KANSL1: variants seen among roughly 807,000 people sequenced by gnomAD.
KANSL1 encodes MLL1/MLL complex subunit KANSL1.
KANSL1 carries 22 observed loss-of-function variants against 103.6 expected under a neutral mutation model. The ratio of observed to expected loss-of-function variants is 0.21; its 90% CI spans 0.15 to 0.30. The LOEUF is 0.30. KANSL1 is among the 10% of genes least tolerant of loss of function. The pLI, the probability that KANSL1 is intolerant of heterozygous loss-of-function variation, is 1.00. For missense variants in KANSL1, 1,337 were observed against 1,399.8 expected (o/e 0.96, Z 0.72); for synonymous variants, 600 against 527.6 (o/e 1.14, Z -1.88).
intron 3 of KANSL1, among the ~76,000 whole-genome samples, chr17:46,085,206 TA>T (rs892630582): frequency 1.8e-4 from 28 of 151,996 alleles, no homozygotes; most frequent in African/African-American, 6.8e-4. Flanking sequence ...AGTAGAAGGT[TA>T]AAAAAAACTG....
Position 46,171,460 on chromosome 17 carries a change from A to C in KANSL1, c.684T>G (p.Thr228=), listed in dbSNP as rs2046285438. ...TGGAATTGACAGAGGATTTGTTTGC[A>C]GTGCTATTATTGCTATACAAAGTTG... ...EHTTLYSNNS[T]ANKSSVNSME... Residue 228 remains threonine (T), a synonymous_variant, in exon 2 of 15, where the codon ACT becomes ACG. Transcript: ENST00000432791. The C allele has an allele frequency of 1.9e-6, 3 of 1,614,120 alleles. No individual in the cohort carries two copies. Among genetic ancestry groups the C allele is most frequent in the Non-Finnish European group, 2.5e-6 (3 of 1,180,028 alleles).
rs34418861 is a variant in KANSL1 at position 46,049,240 on chromosome 17, CTTTTTTTTTTT to C, written c.2020+1282_2020+1292del. ...ATTTGTTGTCCCCACCATCCAAGAC[CTTTTTTTTTTT>C]TTTTTTTTTTTTTTGAGACAGTCTT... On this transcript the variant is annotated intron_variant, in intron 7 of 14. Transcript: ENST00000432791. Among the ~76,000 whole-genome samples, 87 of 75,808 alleles carry C rather than the reference CTTTTTTTTTTT, an allele frequency of 1.1e-3. No individual in the cohort carries two copies. In the East Asian group the frequency reaches 0.014, roughly 12 times the overall value. The allele number at this position is 75,808 out of a possible 152,430, so 49.7% of individuals were successfully genotyped here.
rs527378074 is a variant in KANSL1 at position 46,173,494 on chromosome 17, C to T, written c.-89-1262G>A. On this transcript the variant is annotated intron_variant, in intron 1 of 14. Coordinates refer to ENST00000432791, the MANE Select transcript of KANSL1 (RefSeq NM_015443.4). ...TGGTCTGGGAGCCAAAGGAAACATA[C>T]GTAAAGAACTAAGCCAGTTGTTCTT... is the stretch of plus-strand genomic sequence containing the variant. Among the ~76,000 whole-genome samples, 5 of 152,322 alleles carry T rather than the reference C, an allele frequency of 3.3e-5. No individual in the cohort carries two copies. The South Asian group carries it at 6.2e-4, about 19-fold the overall frequency.
At chr17:46,185,059 C>T (rs531358969) in intron 1 of KANSL1, among the ~76,000 whole-genome samples, 75 of 152,220 alleles carry the variant, frequency 4.9e-4, no homozygotes, top group African/African-American at 1.7e-3. Flanking sequence ...CCTGGCCTGA[C>T]CTCGTGATTC....
chr17:46,121,675 C>T (rs527373457), intron 2 of KANSL1, among the ~76,000 whole-genome samples: 2 of 151,820 alleles, frequency 1.3e-5, no homozygotes, highest in Admixed American at 6.6e-5. Context: ...GACCCCCCCA[C>T]CCCACTAGAA....
intron 1 of KANSL1, among the ~76,000 whole-genome samples, chr17:46,217,809 G>A (rs1414769129): frequency 1.3e-5 from 2 of 152,206 alleles, no homozygotes; most frequent in Non-Finnish European, 2.9e-5. Flanking sequence ...CAGATCACCT[G>A]AGGTCAGGAG....
chr17:46,090,410 C>T (rs1459885700), intron 3 of KANSL1, among the ~76,000 whole-genome samples: 2 of 152,192 alleles, frequency 1.3e-5, no homozygotes, highest in South Asian at 2.1e-4. Context: ...TGTATAAATA[C>T]GACACGTAAA....
chr17:46,213,232 C>T (rs1449441796), intron 1 of KANSL1, among the ~76,000 whole-genome samples: 1 of 152,236 alleles, frequency 6.6e-6, no homozygotes, highest in Non-Finnish European at 1.5e-5. Flanking sequence ...TATCTAAACT[C>T]ATACTTAACA....
chr17:46,110,074 T>C (rs548092667), intron 2 of KANSL1, among the ~76,000 whole-genome samples: 1 of 152,302 alleles, frequency 6.6e-6, no homozygotes, highest in East Asian at 1.9e-4. Flanking sequence ...CAGGAACAAG[T>C]GACCACAGTA....
upstream of KANSL1, chr17:46,193,562 C>CAGGGGGCG (rs1209981855): frequency 2.0e-5 from 3 of 151,796 alleles, no homozygotes; most frequent in Non-Finnish European, 4.3e-5. Context: ...GCCGCGCCGC[C>CAGGGGGCG]CCCGCGGGCC....
intron 3 of KANSL1, 105 bp from the exon 4 acceptor site, chr17:46,082,647 T>TC: frequency 3.5e-6 from 2 of 578,382 alleles, no homozygotes; most frequent in Non-Finnish European, 3.0e-6. Context: ...AGAGGCCCCC[T>TC]CTTCCTCACC....
At chr17:46,044,227 G>A (rs1348868114) in intron 7 of KANSL1, 1 of 152,146 alleles carries the variant, frequency 6.6e-6, no homozygotes, top group Admixed American at 6.6e-5. Context: ...AGAGAAGAGG[G>A]TGCTGATCCT....
intron 2 of KANSL1, among the ~76,000 whole-genome samples, chr17:46,164,907 T>C (rs2045919453): frequency 6.6e-6 from 1 of 152,236 alleles, no homozygotes; most frequent in African/African-American, 2.4e-5. Flanking sequence ...GTATCCTGGC[T>C]GATGTTCCTC....
At chr17:46,200,744 A>AATATATAT (rs66498281) in intron 1 of KANSL1, among the ~76,000 whole-genome samples, 1 of 150,028 alleles carries the variant, frequency 6.7e-6, no homozygotes, top group African/African-American at 2.5e-5. Context: ...TCTGTCTCAA[A>AATATATAT]ATATATATAT....
At chr17:46,094,131 T>C (rs1428372767) in intron 3 of KANSL1, 1 of 172,458 alleles carries the variant, frequency 5.8e-6, no homozygotes, top group Non-Finnish European at 1.2e-5. Context: ...AGGCCTTTCT[T>C]AGTTGTCCAG....
chr17:46,092,376 G>C (rs529027279), intron 3 of KANSL1, among the ~76,000 whole-genome samples: 1 of 152,196 alleles, frequency 6.6e-6, no homozygotes, highest in Non-Finnish European at 1.5e-5. Context: ...AATGAGGTGA[G>C]TATCTTCTTA....
chr17:46,099,058 TC>T (rs949544823), intron 2 of KANSL1, among the ~76,000 whole-genome samples: 9 of 112,778 alleles, frequency 8.0e-5, no homozygotes, highest in African/African-American at 1.8e-4. Flanking sequence ...GCGCGGTGGC[TC>T]ACGCTTGTAA....
chr17:46,046,528 CAAAAAAAAA>C (rs58711350), intron 7 of KANSL1, among the ~76,000 whole-genome samples: 11 of 33,176 alleles, frequency 3.3e-4, no homozygotes, highest in East Asian at 2.3e-3. Context: ...GAGACTCTGT[CAAAAAAAAA>C]AAAAAAAAAA....
In KANSL1 at chr17:46,033,071, C is replaced by T. The variant is rs1380886221; in HGVS notation, c.2837+9G>A. The stretch of plus-strand genomic sequence containing the variant: ...CACAGGCCCTGGGGACCCAAGCCTG[C>T]CCCATCACCTGCTGCCCCGCCGCTG... On this transcript the variant is annotated intron_variant, in intron 13 of 14. Transcript: ENST00000432791. 2.6e-6 allele frequency: 4 copies of T among 1,559,198 alleles called. No homozygotes were observed. The highest frequency in any genetic ancestry group is 2.4e-5 in the South Asian group (2 of 84,268).
Sources: allele counts gnomAD v4.1 joint callset (sites outside exome capture counted in the v4.1 genomes callset), GRCh38; gene constraint gnomAD v4.1.1; transcripts MANE v1.5; gene names NCBI Gene and HGNC (gene_info 2026-07-23, HGNC 2026-07-21).